The following MREG variants were observed in gnomAD, a reference collection of about 807,000 sequenced individuals.
MREG encodes the protein dilute suppressor protein homolog.
Under a neutral mutation model 28.5 loss-of-function variants are expected in MREG, and 31 were observed. The observed-to-expected ratio is 1.09, with a 90% CI of 0.82 to 1.47. MREG has a LOEUF of 1.47. Ranked by LOEUF, MREG falls within the 40% of genes most tolerant of loss-of-function variation. MREG has a pLI of 0.00. For missense variants in MREG, 256 were observed against 257.4 expected, an observed-to-expected ratio of 0.99 and a Z score of 0.04; for synonymous variants, 106 against 95.2, an observed-to-expected ratio of 1.11 and a Z score of -0.66.
chr2:215,977,156 A>G (rs1195361802), intron 2 of MREG, among the ~76,000 whole-genome samples: 1 of 152,266 alleles, frequency 6.6e-6, no homozygotes, highest in African/African-American at 2.4e-5. Context: ...AGAGACACAC[A>G]TAGGCTCAAA....
At chr2:216,020,646 G>A (rs1393445634) in intron 1 of MREG, among the ~76,000 whole-genome samples, 2 of 152,218 alleles carry the variant, frequency 1.3e-5, no homozygotes, top group Non-Finnish European at 2.9e-5. Flanking sequence ...AAAATCAACT[G>A]GAAACACAAA....
chr2:215,954,729 G>C (rs1692579959), intron 2 of MREG, among the ~76,000 whole-genome samples: 1 of 150,906 alleles, frequency 6.6e-6, no homozygotes, highest in South Asian at 2.1e-4. Flanking sequence ...TAGAGAAGGA[G>C]TTTCACTCTT....
At chr2:216,009,083 G>C (rs1166708823) in intron 1 of MREG, among the ~76,000 whole-genome samples, 1 of 152,048 alleles carries the variant, frequency 6.6e-6, no homozygotes, top group African/African-American at 2.4e-5. Context: ...GTTCCTAGGG[G>C]AAATACAGAG....
At chr2:215,996,493 G>A in intron 1 of MREG, 28 bp from the exon 2 acceptor site, 1 of 1,571,050 alleles carries the variant, frequency 6.4e-7, no homozygotes, top group Non-Finnish European at 8.7e-7. Context: ...GAAAGATTGG[G>A]GTTTTATAAT....
chr2:215,952,024 CT>C (rs754541801), intron 2 of MREG, among the ~76,000 whole-genome samples: 1 of 152,192 alleles, frequency 6.6e-6, no homozygotes, highest in Non-Finnish European at 1.5e-5. Context: ...CAGTAATTGT[CT>C]CTCTGCGCTT....
intron 2 of MREG, 140 bp from the exon 3 acceptor site, chr2:215,947,253 T>C: frequency 1.6e-6 from 1 of 611,426 alleles, no homozygotes; most frequent in Non-Finnish European, 2.9e-6. Flanking sequence ...GAGAAGGAGA[T>C]GGATGAGATA....
chr2:215,964,987 G>A (rs963609311), intron 2 of MREG, among the ~76,000 whole-genome samples: 3 of 152,044 alleles, frequency 2.0e-5, no homozygotes, highest in Non-Finnish European at 2.9e-5. Flanking sequence ...TTTTTCTCCT[G>A]TACTTTTCAA....
Position 215,944,679 on chromosome 2 carries a change from T to C in MREG, c.*184A>G, listed in dbSNP as rs568947364. On this transcript the variant is annotated 3_prime_UTR_variant, in exon 5 of 5. Coordinates refer to ENST00000263268, the MANE Select transcript of MREG (RefSeq NM_018000.3). The stretch of plus-strand genomic sequence containing the variant: ...ATATGAGATCACCAAGGCGTTTCAA[T>C]GCAGCCTGCACAATTCATGGGGCAG... 6.0e-6 allele frequency: 3 copies of C among 500,680 alleles called. No individual in the cohort carries two copies. Among genetic ancestry groups the C allele is most frequent in the Non-Finnish European group, 9.9e-6 (3 of 304,398 alleles). The allele number at this position is 500,680 out of a possible 1,614,324, so 31.0% of individuals were successfully genotyped here.
At chr2:215,956,873 T>C (rs4674043) in intron 2 of MREG, among the ~76,000 whole-genome samples, 5 of 152,094 alleles carry the variant, frequency 3.3e-5, no homozygotes, top group African/African-American at 7.2e-5. Flanking sequence ...GTATAAAGTA[T>C]AGAAATTATA....
intron 1 of MREG, among the ~76,000 whole-genome samples, chr2:216,008,633 C>A (rs1210909055): frequency 6.6e-6 from 1 of 152,210 alleles, no homozygotes; most frequent in Non-Finnish European, 1.5e-5. Flanking sequence ...TTCTACAGTG[C>A]CTGAATTCCT....
At chr2:215,972,574 C>T (rs1295506374) in intron 2 of MREG, among the ~76,000 whole-genome samples, 1 of 147,402 alleles carries the variant, frequency 6.8e-6, no homozygotes, top group Admixed American at 6.9e-5. Context: ...CGAGATTGTG[C>T]CACTGCACTT....
At position 215,996,437 on chromosome 2, in the gene MREG, C is replaced by T; in HGVS notation, c.124G>A (p.Ala42Thr). 6.2e-7 allele frequency: 1 copy of T among 1,612,940 alleles called. No homozygotes were observed. The highest frequency in any genetic ancestry group is 2.2e-5 in the East Asian group (1 of 44,850). Residue 42 changes from alanine (A) to threonine (T), a missense_variant, in exon 2 of 5, where the codon GCA becomes ACA. Transcript: ENST00000263268. ...TTCTCATCATCCCTCACCAGAGTTG[C>T]TCCAAATGAGGAATATGGATTGTTA... ...SDNNPYSSFG[A>T]TLVRDDEKNL...
Position 215,996,449 on chromosome 2 carries a change from A to C in MREG, c.112T>G (p.Ser38Ala). 1.2e-6 allele frequency: 2 copies of C among 1,612,188 alleles called. No individual in the cohort carries two copies. The highest frequency in any genetic ancestry group is 1.7e-6 in the Non-Finnish European group (2 of 1,179,000). ...EPLVSDNNPY[S>A]SFGATLVRDD... ...CTCACCAGAGTTGCTCCAAATGAGG[A>C]ATATGGATTGTTATCACTGTTGTAT... The change falls in exon 2 of 5, where the codon TCC becomes GCC. Residue 38 changes from serine (S) to alanine (A), a missense_variant. By Grantham distance (99) the Ser-to-Ala change is moderately conservative (BLOSUM62 1). Transcript: ENST00000263268.
chr2:216,031,493 GAGAA>G (rs66825295), intron 1 of MREG, among the ~76,000 whole-genome samples: 6,103 of 124,808 alleles, frequency 0.049, 371 homozygotes, highest in African/African-American at 0.14. Flanking sequence ...AAGAAAGAAA[GAGAA>G]AGAAAGAGAG....
chr2:216,022,796 A>ACTCTAAGAAGCAGAAGCAGAGT (rs1191603798), intron 1 of MREG, among the ~76,000 whole-genome samples: 1 of 152,106 alleles, frequency 6.6e-6, no homozygotes, highest in East Asian at 1.9e-4. Flanking sequence ...ATTCAATTAA[A>ACTCTAAGAAGCAGAAGCAGAGT]CTCTAAGAAG....
downstream of MREG, among the ~76,000 whole-genome samples, chr2:215,942,414 T>C (rs1269456454): frequency 6.6e-6 from 1 of 152,174 alleles, no homozygotes; most frequent in East Asian, 1.9e-4. Context: ...GCCCCTCTCA[T>C]GCACTGCCAT....
chr2:215,973,196 C>A (rs990233985), intron 2 of MREG, among the ~76,000 whole-genome samples: 9 of 152,138 alleles, frequency 5.9e-5, no homozygotes, highest in Non-Finnish European at 1.3e-4. Context: ...AGGCAGCCCA[C>A]CTTGCTGGTT....
At chr2:215,992,315 A>T (rs1693739707) in intron 2 of MREG, among the ~76,000 whole-genome samples, 1 of 152,234 alleles carries the variant, frequency 6.6e-6, no homozygotes, top group South Asian at 2.1e-4. Context: ...ATCTTAATAG[A>T]AGCAGAAAAG....
At chr2:215,963,419 G>A (rs56083560) in intron 2 of MREG, among the ~76,000 whole-genome samples, 4,893 of 141,562 alleles carry the variant, frequency 0.035, 293 homozygotes, top group African/African-American at 0.12. Flanking sequence ...CTGAGTGATA[G>A]AGTGAGAACC....
Sources: gnomAD v4.1 joint callset for allele counts (sites outside exome capture counted in the v4.1 genomes callset) on GRCh38, gnomAD v4.1.1 for gene constraint, MANE v1.5 for transcripts, NCBI Gene and HGNC (gene_info 2026-07-23, HGNC 2026-07-21) for gene names.